Variants in CACNB2 observed in about 807,000 individuals in gnomAD.
The protein encoded by CACNB2 is calcium voltage-gated channel auxiliary subunit beta 2, also known as voltage-dependent L-type calcium channel subunit beta-2.
CACNB2 carries 42 observed loss-of-function variants against 73.3 expected under a neutral mutation model. The ratio of observed to expected loss-of-function variants is 0.57; its 90% CI spans 0.45 to 0.74. The LOEUF (loss-of-function observed/expected upper bound fraction) is 0.74, where lower values mean the gene tolerates loss of function less well. Ranked by LOEUF, CACNB2 falls within the 30% of genes least tolerant of loss-of-function variation. The probability of loss-of-function intolerance (pLI) is 0.00; values close to 1 mark genes in which losing one functional copy is unlikely to be tolerated. For synonymous variants in CACNB2, 348 were observed against 310.3 expected (o/e 1.12, Z -1.28); for missense variants, 940 against 853.0 (o/e 1.10, Z -1.27).
At chr10:18,420,780 C>A (rs2045278131) in intron 3 of CACNB2, among the ~76,000 whole-genome samples, 1 of 152,180 alleles carries the variant, frequency 6.6e-6, no homozygotes, top group Admixed American at 6.5e-5. Context: ...ACTTATATGA[C>A]CATCTTCAGT....
chr10:18,290,106 CTTTTTCTTTTT>C (rs1223879153), intron 2 of CACNB2, among the ~76,000 whole-genome samples: 1 of 40,094 alleles, frequency 2.5e-5, no homozygotes, highest in African/African-American at 7.8e-5. Context: ...TTTCTTTTTT[CTTTTTCTTTTT>C]TTTTTTTTTT....
At chr10:18,220,319 G>C (rs1466518043) in intron 2 of CACNB2, among the ~76,000 whole-genome samples, 1 of 144,860 alleles carries the variant, frequency 6.9e-6, no homozygotes, top group African/African-American at 2.6e-5. Flanking sequence ...GAGTGCAGTG[G>C]TGTGATCTCA....
chr10:18,358,535 TCTCTCTCTCTCTCTCTCG>T (rs1488943619), intron 2 of CACNB2, among the ~76,000 whole-genome samples: 356 of 34,206 alleles, frequency 0.01, 9 homozygotes, highest in South Asian at 0.023. Context: ...TCTCTCTCTC[TCTCTCTCTCTCTCTCTCG>T]CTCTCTCTCT....
intron 3 of CACNB2, among the ~76,000 whole-genome samples, chr10:18,445,866 T>G (rs1418296293): frequency 3.3e-5 from 5 of 152,196 alleles, no homozygotes; most frequent in African/African-American, 1.2e-4. Flanking sequence ...AAACCCTGTC[T>G]CTACCAAAAA....
At position 18,539,805 on chromosome 10, in the gene CACNB2, G is replaced by T; in HGVS notation, c.*81G>T. ...GCATCCCCAAAACAAAGTCTTTGGG[G>T]TCTACACTGCAATCATATGTGATCT... On this transcript the variant is annotated 3_prime_UTR_variant, in exon 14 of 14. Coordinates refer to ENST00000324631, the MANE Select transcript of CACNB2 (RefSeq NM_201596.3). 1 of 1,381,916 alleles carries T rather than the reference G, an allele frequency of 7.2e-7. No individual in the cohort carries two copies. Among genetic ancestry groups the T allele is most frequent in the Non-Finnish European group, 1.0e-6 (1 of 996,912 alleles). 85.6% of individuals were successfully genotyped at this position (1,381,916 alleles called of 1,614,324 possible).
chr10:18,146,869 C>T (rs2031044732), intron 1 of CACNB2, among the ~76,000 whole-genome samples: 2 of 152,252 alleles, frequency 1.3e-5, no homozygotes, highest in South Asian at 4.1e-4. Flanking sequence ...GTGGTCCACC[C>T]ACATTGCTTT....
At chr10:18,193,350 C>A (rs988171841) in intron 2 of CACNB2, among the ~76,000 whole-genome samples, 2 of 151,474 alleles carry the variant, frequency 1.3e-5, no homozygotes, top group African/African-American at 4.9e-5. Context: ...CACATTTTTG[C>A]CAACACTTAT....
At chr10:18,193,131 G>C (rs1167636181) in intron 2 of CACNB2, among the ~76,000 whole-genome samples, 2 of 152,106 alleles carry the variant, frequency 1.3e-5, no homozygotes, top group Non-Finnish European at 2.9e-5. Flanking sequence ...TCAAATCAGG[G>C]TAATTAGCAT....
At chr10:18,286,441 C>A (rs1447921010) in intron 2 of CACNB2, among the ~76,000 whole-genome samples, 2 of 145,322 alleles carry the variant, frequency 1.4e-5, no homozygotes, top group Admixed American at 1.5e-4. Context: ...TGGCGTGAAC[C>A]CTGCAGGTGG....
intron 2 of CACNB2, among the ~76,000 whole-genome samples, chr10:18,288,464 A>C (rs1031639437): frequency 7.2e-5 from 11 of 152,330 alleles, no homozygotes; most frequent in African/African-American, 2.6e-4. Flanking sequence ...TTTAGTCAAA[A>C]GATCAGGCTC....
chr10:18,497,296 A>G (rs960588267), intron 3 of CACNB2, among the ~76,000 whole-genome samples: 2 of 152,118 alleles, frequency 1.3e-5, no homozygotes, highest in African/African-American at 4.8e-5. Flanking sequence ...AAGAAATACA[A>G]TACCACTTAG....
intron 2 of CACNB2, among the ~76,000 whole-genome samples, chr10:18,397,543 C>T (rs924111316): frequency 2.0e-5 from 3 of 151,450 alleles, no homozygotes; most frequent in Non-Finnish European, 2.9e-5. Context: ...AATGAAACCC[C>T]GTCTCTACTA....
chr10:18,163,159 G>C lies in CACNB2; in HGVS notation c.213+12184G>C, dbSNP rs185871858. On this transcript the variant is annotated intron_variant, in intron 2 of 13. Transcript: ENST00000324631. The stretch of plus-strand genomic sequence containing the variant: ...TCATTTGATAAAAGGTGGTAAAATA[G>C]TGGACGCATGCTGACCATGTGCTAG... 3.3e-4 allele frequency among the ~76,000 whole-genome samples: 50 copies of C among 152,320 alleles called. 2 individuals carry two copies. The East Asian group carries it at 9.6e-3, about 29-fold the overall frequency.
intron 2 of CACNB2, among the ~76,000 whole-genome samples, chr10:18,314,755 G>A (rs943833780): frequency 3.9e-5 from 6 of 151,956 alleles, no homozygotes; most frequent in African/African-American, 9.7e-5. Flanking sequence ...GAATAAAAAC[G>A]TCTCCAAGGT....
intron 2 of CACNB2, among the ~76,000 whole-genome samples, chr10:18,190,842 G>A (rs552726001): frequency 6.6e-6 from 1 of 152,316 alleles, no homozygotes; most frequent in East Asian, 1.9e-4. Context: ...GGGAAGGGCA[G>A]GAAAGATAAG....
intron 2 of CACNB2, among the ~76,000 whole-genome samples, chr10:18,280,453 A>G (rs577629534): frequency 6.6e-6 from 1 of 152,262 alleles, no homozygotes; most frequent in Admixed American, 6.5e-5. Context: ...TCTACTATTG[A>G]ATTCGTACAC....
chr10:18,461,888 C>G (rs1315751879), intron 3 of CACNB2, among the ~76,000 whole-genome samples: 1 of 145,044 alleles, frequency 6.9e-6, no homozygotes, highest in Admixed American at 7.4e-5. Context: ...GGGAGTTTAT[C>G]CAGTATCTGA....
chr10:18,259,902 C>T (rs2037461152), intron 2 of CACNB2, among the ~76,000 whole-genome samples: 1 of 151,954 alleles, frequency 6.6e-6, no homozygotes, highest in Admixed American at 6.6e-5. Context: ...AGAGTAAGAC[C>T]CTATCTCAAA....
chr10:18,358,365 G>C (rs2042005021), intron 2 of CACNB2, among the ~76,000 whole-genome samples: 1 of 152,208 alleles, frequency 6.6e-6, no homozygotes, highest in South Asian at 2.1e-4. Context: ...TGGGATTACA[G>C]GTGTGAGCCA....
Sources: allele counts gnomAD v4.1 joint callset (sites outside exome capture counted in the v4.1 genomes callset), GRCh38; gene constraint gnomAD v4.1.1; transcripts MANE v1.5; gene names NCBI Gene and HGNC (gene_info 2026-07-23, HGNC 2026-07-21).